ANKS1A: variants seen among roughly 807,000 people sequenced by gnomAD.
ANKS1A encodes ankyrin repeat and sterile alpha motif domain containing 1A.
ANKS1A carries 55 observed loss-of-function variants against 120.3 expected under a neutral mutation model. That is an observed-to-expected ratio of 0.46 (90% CI 0.37 to 0.57). ANKS1A has a LOEUF of 0.57. Ranked by LOEUF, ANKS1A falls within the 20% of genes least tolerant of loss-of-function variation. The probability of loss-of-function intolerance (pLI) is 0.00; values close to 1 mark genes in which losing one functional copy is unlikely to be tolerated. For synonymous variants in ANKS1A, 590 were observed against 604.7 expected, an observed-to-expected ratio of 0.98 and a Z score of 0.36; for missense variants, 1,123 against 1,480.3, an observed-to-expected ratio of 0.76 and a Z score of 3.96.
In ANKS1A at chr6:35,089,327, T is replaced by G; in HGVS notation, c.*718T>G. 1.0e-6 allele frequency: 1 copy of G among 987,282 alleles called. No homozygotes were observed. Among genetic ancestry groups the G allele is most frequent in the Non-Finnish European group, 1.2e-6 (1 of 831,004 alleles). 61.2% of individuals were successfully genotyped at this position (987,282 alleles called of 1,614,324 possible). On this transcript the variant is annotated 3_prime_UTR_variant, in exon 24 of 24. Transcript: ENST00000360359. ...GGCCAAATGAAGATAAGTGTGCAGT[T>G]TCTAGTGCTGGGAAGTCTTAGCCAG...
chr6:34,918,291 GT>G (rs915260510), intron 1 of ANKS1A, among the ~76,000 whole-genome samples: 1 of 152,152 alleles, frequency 6.6e-6, no homozygotes, highest in Non-Finnish European at 1.5e-5. Context: ...GTTGGCCTAG[GT>G]TCAAATGCCA....
Position 35,084,865 on chromosome 6 carries a change from A to G in ANKS1A, c.3132+607A>G, listed in dbSNP as rs1396622920. Among the ~76,000 whole-genome samples the G allele has an allele frequency of 6.6e-6, 1 of 152,222 alleles. No individual in the cohort carries two copies. Among genetic ancestry groups the G allele is most frequent in the Admixed American group, 6.5e-5 (1 of 15,284 alleles). ...TCTCACACAGCTGCCCACAGGGAGC[A>G]GACCAGAACTGACAGCCCACAGGCG... On this transcript the variant is annotated intron_variant, in intron 21 of 23. Transcript: ENST00000360359. This position sits in a 1 kb window ranked among gnomAD's most constrained non-coding sequence, Gnocchi z 4.8.
intron 1 of ANKS1A, among the ~76,000 whole-genome samples, chr6:34,904,682 A>G (rs997857720): frequency 6.6e-6 from 1 of 152,228 alleles, no homozygotes; most frequent in African/African-American, 2.4e-5. Context: ...CAGTGAGCTG[A>G]TATTTCGCCA....
In ANKS1A at chr6:35,057,279, CAG is replaced by C. The variant is rs1263119413; in HGVS notation, c.2078-2867_2078-2866del. 6.6e-6 allele frequency among the ~76,000 whole-genome samples: 1 copy of C among 152,172 alleles called. No homozygotes were observed. Among genetic ancestry groups the C allele is most frequent in the Non-Finnish European group, 1.5e-5 (1 of 68,032 alleles). On this transcript the variant is annotated intron_variant, in intron 12 of 23. Coordinates refer to ENST00000360359, the MANE Select transcript of ANKS1A (RefSeq NM_015245.3). This position sits in a 1 kb window ranked among gnomAD's most constrained non-coding sequence, Gnocchi z 4.1. Reference sequence around the variant, plus strand: ...TCATCCCTGTGCCAACTCCCATTCTCAGGAGTCCAGGAGGGTATGCCTTCCCA... The same window carrying C: ...TCATCCCTGTGCCAACTCCCATTCTCGAGTCCAGGAGGGTATGCCTTCCCA...
Position 35,006,187 on chromosome 6 carries a change from TAAA to T in ANKS1A, c.1424-11268_1424-11266del, listed in dbSNP as rs35521731. On this transcript the variant is annotated intron_variant, in intron 10 of 23. Transcript: ENST00000360359. Reference sequence around the variant, plus strand: ...TGGGTGACAGAGCAAGACTCTGTCTTAAAAAAAAAAAAAAAAAAAATCAAGAAT... The same window carrying T: ...TGGGTGACAGAGCAAGACTCTGTCTTAAAAAAAAAAAAAAAAATCAAGAAT... 2.0e-3 allele frequency among the ~76,000 whole-genome samples: 262 copies of T among 128,282 alleles called. 1 individual carries two copies. Among genetic ancestry groups the T allele is most frequent in the Middle Eastern group, 7.9e-3 (2 of 252 alleles). 84.2% of individuals were successfully genotyped at this position (128,282 alleles called of 152,430 possible).
chr6:34,955,665 C>T (rs1479145359), intron 1 of ANKS1A, among the ~76,000 whole-genome samples: 1 of 152,074 alleles, frequency 6.6e-6, no homozygotes, highest in East Asian at 1.9e-4. Flanking sequence ...CTTCCTCTTT[C>T]TCGGTTTGCT....
chr6:35,035,036 C>T (rs949803335), intron 11 of ANKS1A, among the ~76,000 whole-genome samples: 1 of 152,272 alleles, frequency 6.6e-6, no homozygotes, highest in African/African-American at 2.4e-5. Flanking sequence ...TGGGAACGGC[C>T]TCGCCCTGAG....
At chr6:35,018,488 G>A (rs1581653597) in intron 11 of ANKS1A, among the ~76,000 whole-genome samples, 1 of 151,998 alleles carries the variant, frequency 6.6e-6, no homozygotes, top group African/African-American at 2.4e-5. Flanking sequence ...GGAGGACAGG[G>A]TAAGTCTGGG....
In ANKS1A at chr6:34,982,178, T is replaced by G. The variant is rs1378771817; in HGVS notation, c.732+192T>G. Among the ~76,000 whole-genome samples, 1 of 152,208 alleles carries G rather than the reference T, an allele frequency of 6.6e-6. No homozygotes were observed. Among genetic ancestry groups the G allele is most frequent in the Non-Finnish European group, 1.5e-5 (1 of 68,036 alleles). On this transcript the variant is annotated intron_variant, in intron 4 of 23. Coordinates refer to ENST00000360359, the MANE Select transcript of ANKS1A (RefSeq NM_015245.3). This position sits in a 1 kb window ranked among gnomAD's most constrained non-coding sequence, Gnocchi z 4.9. Reference sequence around the variant, plus strand: ...CTCCTCAAGCAAGTCTATTATTTTTTTGTTTCTTTTCAGGGGGTAATCCGT... The same window carrying G: ...CTCCTCAAGCAAGTCTATTATTTTTGTGTTTCTTTTCAGGGGGTAATCCGT...
intron 11 of ANKS1A, among the ~76,000 whole-genome samples, chr6:35,048,099 C>T (rs541500850): frequency 2.0e-5 from 3 of 152,296 alleles, no homozygotes; most frequent in South Asian, 2.1e-4. Flanking sequence ...GCCAGAGCTC[C>T]GTGGCTTTCC....
Position 34,983,456 on chromosome 6 carries a change from G to T in ANKS1A, c.1012+31G>T, listed in dbSNP as rs375941191. 2.0e-6 allele frequency: 3 copies of T among 1,531,710 alleles called. No homozygotes were observed. The Admixed American group carries it at 6.2e-5, about 32-fold the overall frequency. The allele number at this position is 1,531,710 out of a possible 1,614,324, so 94.9% of individuals were successfully genotyped here. ...GTAACTCTCCCCTATGAGTAAAGGG[G>T]TGCTCAGCTTGAAAAGAGTTGAAAA... On this transcript the variant is annotated intron_variant, in intron 7 of 23. Transcript: ENST00000360359.
chr6:35,045,514 C>T (rs1355785075), intron 11 of ANKS1A, among the ~76,000 whole-genome samples: 1 of 152,146 alleles, frequency 6.6e-6, no homozygotes, highest in East Asian at 1.9e-4. Flanking sequence ...TTCATAAGTC[C>T]TTGTTCTTTC....
intron 1 of ANKS1A, among the ~76,000 whole-genome samples, chr6:34,912,466 G>C (rs1767952322): frequency 6.6e-6 from 1 of 152,162 alleles, no homozygotes; most frequent in Non-Finnish European, 1.5e-5. Context: ...GGTCTTCAGG[G>C]AGTAGGAGCT....
intron 11 of ANKS1A, among the ~76,000 whole-genome samples, chr6:35,035,039 G>T (rs771337572): frequency 4.6e-5 from 7 of 152,232 alleles, no homozygotes; most frequent in African/African-American, 1.4e-4. Flanking sequence ...GAACGGCCTC[G>T]CCCTGAGTAA....
chr6:34,962,387 G>A (rs1359119407), intron 1 of ANKS1A, among the ~76,000 whole-genome samples: 1 of 152,088 alleles, frequency 6.6e-6, no homozygotes, highest in African/African-American at 2.4e-5. Flanking sequence ...TATATTTGTT[G>A]TATACATTAT....
intron 1 of ANKS1A, among the ~76,000 whole-genome samples, chr6:34,942,775 A>G (rs847862): frequency 0.16 from 24,276 of 151,606 alleles, 3,247 homozygotes; most frequent in African/African-American, 0.36. Flanking sequence ...GATTTTTTAA[A>G]TAGACTTGGT....
At chr6:35,049,091 G>A (rs1001540704) in intron 11 of ANKS1A, among the ~76,000 whole-genome samples, 2 of 152,180 alleles carry the variant, frequency 1.3e-5, no homozygotes, top group African/African-American at 4.8e-5. Context: ...GCTGTGAGTC[G>A]AGGCTCTGCA....
intron 13 of ANKS1A, among the ~76,000 whole-genome samples, chr6:35,077,954 G>A (rs1043899648): frequency 3.9e-5 from 6 of 152,188 alleles, no homozygotes; most frequent in Admixed American, 6.5e-5. Flanking sequence ...TGGGCGCTCC[G>A]TGTGCCTCTC....
intron 11 of ANKS1A, among the ~76,000 whole-genome samples, chr6:35,028,078 A>T (rs1774719623): frequency 6.6e-6 from 1 of 152,244 alleles, no homozygotes; most frequent in South Asian, 2.1e-4. Context: ...GTCCTGATTT[A>T]AACAGGCAAG....
Sources: allele counts gnomAD v4.1 joint callset (sites outside exome capture counted in the v4.1 genomes callset), GRCh38; gene constraint gnomAD v4.1.1; non-coding constraint Gnocchi (gnomAD v3.1); transcripts MANE v1.5; gene names NCBI Gene and HGNC (gene_info 2026-07-23, HGNC 2026-07-21).